The following CFAP20DC variants were observed in gnomAD, a reference collection of about 807,000 sequenced individuals.
The protein encoded by CFAP20DC is CFAP20 domain containing, also known as protein CFAP20DC.
Under a neutral mutation model 101.7 loss-of-function variants are expected in CFAP20DC, and 84 were observed. That is an observed-to-expected ratio of 0.83 (90% confidence interval 0.69 to 0.99). The LOEUF is 0.99. Among genes scored for constraint, CFAP20DC ranks in the 50% least tolerant of loss-of-function variants. The probability of loss-of-function intolerance (pLI) is 0.00; values close to 1 mark genes in which losing one functional copy is unlikely to be tolerated. For missense variants in CFAP20DC, 1,007 were observed against 970.3 expected (o/e 1.04, Z -0.50); for synonymous variants, 359 against 351.2 (o/e 1.02, Z -0.25).
At chr3:58,765,187 C>A (rs556411699) in intron 15 of CFAP20DC, among the ~76,000 whole-genome samples, 1 of 152,124 alleles carries the variant, frequency 6.6e-6, no homozygotes, top group East Asian at 1.9e-4. Flanking sequence ...TGTCTAAAAA[C>A]AAGATTGTGT....
chr3:58,883,082 G>A (rs1337984751), intron 7 of CFAP20DC, among the ~76,000 whole-genome samples: 1 of 152,142 alleles, frequency 6.6e-6, no homozygotes, highest in Non-Finnish European at 1.5e-5. Flanking sequence ...AATAAAATGA[G>A]TTCACTTTTG....
intron 12 of CFAP20DC, among the ~76,000 whole-genome samples, chr3:58,854,535 C>A (rs146491048): frequency 2.6e-5 from 4 of 152,284 alleles, no homozygotes; most frequent in South Asian, 2.1e-4. Context: ...CAAGTCAATC[C>A]TGAGCCAAAA....
At chr3:58,733,468 G>A (rs1455983814) in intron 3 of CFAP20DC, among the ~76,000 whole-genome samples, 1 of 152,074 alleles carries the variant, frequency 6.6e-6, no homozygotes, top group Non-Finnish European at 1.5e-5. Flanking sequence ...ATAAAGATGA[G>A]GTGATTTGGA....
At chr3:59,046,066 T>C (rs2109311521) in intron 3 of CFAP20DC, among the ~76,000 whole-genome samples, 163 bp downstream of exon 3, 1 of 152,218 alleles carries the variant, frequency 6.6e-6, no homozygotes, top group African/African-American at 2.4e-5. Flanking sequence ...AGGCCTAGCA[T>C]AGTGCCTAGC....
chr3:58,761,189 A>G (rs572382424), intron 15 of CFAP20DC, among the ~76,000 whole-genome samples: 2 of 152,284 alleles, frequency 1.3e-5, no homozygotes, highest in African/African-American at 4.8e-5. Flanking sequence ...TTGGTAAGCT[A>G]TTAATTATTG....
chr3:58,834,872 A>T (rs1328428475), intron 13 of CFAP20DC, among the ~76,000 whole-genome samples: 1 of 152,164 alleles, frequency 6.6e-6, no homozygotes, highest in East Asian at 1.9e-4. Context: ...ATGCACAAAC[A>T]TTTTAAAATA....
chr3:59,039,710 A>C lies in CFAP20DC; in HGVS notation c.206-81T>G, dbSNP rs6446006. 1.3e-4 allele frequency: 103 copies of C among 803,246 alleles called. No homozygotes were observed. In the African/African-American group the frequency reaches 1.4e-3, roughly 11 times the overall value. The allele number at this position is 803,246 out of a possible 1,614,324, so 49.8% of individuals were successfully genotyped here. A position where few individuals can be genotyped will look rare whatever the true frequency, so the allele number is the denominator to read the frequency against. The stretch of plus-strand genomic sequence containing the variant: ...AAACAAACACAATCACAAACCACGA[A>C]CAAGCTGAAGATTTTAGCATTTCAG... On this transcript the variant is annotated intron_variant, in intron 3 of 16. Transcript: ENST00000482387.
intron 4 of CFAP20DC, among the ~76,000 whole-genome samples, chr3:58,958,634 T>C (rs1009802996): frequency 7.2e-5 from 11 of 152,334 alleles, no homozygotes; most frequent in East Asian, 1.9e-4. Context: ...TATTATATTT[T>C]TGATCACAGC....
chr3:59,037,769 T>C (rs2094130057), intron 4 of CFAP20DC, among the ~76,000 whole-genome samples: 1 of 152,136 alleles, frequency 6.6e-6, no homozygotes, highest in African/African-American at 2.4e-5. Context: ...AGCAATCCCA[T>C]TACCTGGTAT....
chr3:58,973,289 A>G (rs2092060414), intron 4 of CFAP20DC, among the ~76,000 whole-genome samples: 1 of 152,186 alleles, frequency 6.6e-6, no homozygotes, highest in Admixed American at 6.5e-5. Context: ...TTCCTTACCA[A>G]CACCACCTCC....
At chr3:58,847,561 T>C (rs1374133132) in intron 13 of CFAP20DC, among the ~76,000 whole-genome samples, 1 of 152,142 alleles carries the variant, frequency 6.6e-6, no homozygotes, top group Non-Finnish European at 1.5e-5. Context: ...ACTTTTACAC[T>C]GTTGCTGGGA....
Position 58,721,406 on chromosome 3 carries a change from ATAGGG to A in CFAP20DC, c.198-3783_198-3779del. The stretch of plus-strand genomic sequence containing the variant: ...ACATTTTTTAAAAATTACAACCATG[ATAGGG>A]TACCTAGTGCTATGAATATTTATTC... On this transcript the variant is annotated intron_variant, in intron 3 of 3. Transcript: ENST00000486145. This position sits in a 1 kb window ranked among gnomAD's most constrained non-coding sequence, Gnocchi z 5.2. Among the ~76,000 whole-genome samples the A allele has an allele frequency of 6.6e-6, 1 of 152,246 alleles. No homozygotes were observed. Among genetic ancestry groups the A allele is most frequent in the East Asian group, 1.9e-4 (1 of 5,166 alleles).
chr3:58,870,847 C>CACTGCAG (rs1328864023), intron 7 of CFAP20DC, among the ~76,000 whole-genome samples: 4 of 130,992 alleles, frequency 3.1e-5, no homozygotes, highest in African/African-American at 1.1e-4. Flanking sequence ...GAGATTGCGC[C>CACTGCAG]ACTGCAGTCC....
intron 15 of CFAP20DC, among the ~76,000 whole-genome samples, chr3:58,778,326 G>A (rs536144589): frequency 6.8e-4 from 104 of 152,278 alleles, no homozygotes; most frequent in Non-Finnish European, 1.2e-3. Context: ...ACACTGTCTA[G>A]GGGGCTGGGA....
chr3:58,801,511 G>A (rs1195680480), intron 15 of CFAP20DC, among the ~76,000 whole-genome samples: 1 of 152,068 alleles, frequency 6.6e-6, no homozygotes, highest in African/African-American at 2.4e-5. Context: ...GAACATTAAA[G>A]TTCTGTACTT....
intron 3 of CFAP20DC, among the ~76,000 whole-genome samples, chr3:58,725,071 C>T (rs1358160104): frequency 3.9e-5 from 6 of 152,148 alleles, no homozygotes; most frequent in Admixed American, 2.6e-4. Flanking sequence ...CAGTATTCTT[C>T]GAAGTCCCAA....
At chr3:58,952,346 C>T (rs1318766502) in intron 4 of CFAP20DC, among the ~76,000 whole-genome samples, 2 of 152,162 alleles carry the variant, frequency 1.3e-5, no homozygotes, top group African/African-American at 4.8e-5. Context: ...TCATCCTACT[C>T]CATCCCACCC....
At chr3:58,876,217 T>TA (rs1003283164) in intron 7 of CFAP20DC, among the ~76,000 whole-genome samples, 1 of 152,150 alleles carries the variant, frequency 6.6e-6, no homozygotes, top group Admixed American at 6.5e-5. Context: ...TGCTTCACTT[T>TA]AAAAAATCTG....
chr3:58,805,642 G>A (rs558953685), intron 15 of CFAP20DC, among the ~76,000 whole-genome samples: 51 of 152,234 alleles, frequency 3.4e-4, no homozygotes, highest in African/African-American at 1.1e-3. Flanking sequence ...GTAGGCTCAC[G>A]ATATATGGAC....
Sources: gnomAD v4.1 joint callset for allele counts (sites outside exome capture counted in the v4.1 genomes callset) on GRCh38, gnomAD v4.1.1 for gene constraint, Gnocchi (gnomAD v3.1) non-coding constraint, MANE v1.5 for transcripts, NCBI Gene and HGNC (gene_info 2026-07-23, HGNC 2026-07-21) for gene names.